The following LDLRAD4 variants were observed in gnomAD, a reference collection of about 807,000 sequenced individuals.
LDLRAD4 encodes the protein low density lipoprotein receptor class A domain containing 4.
A neutral mutation model predicts 17.0 loss-of-function variants in LDLRAD4; 5 were observed. The observed-to-expected ratio is 0.29, with a 90% confidence interval of 0.15 to 0.62. LDLRAD4 has a LOEUF of 0.62. Ranked by LOEUF, LDLRAD4 falls within the 20% of genes least tolerant of loss-of-function variation. The probability of loss-of-function intolerance (pLI) is 0.84; values close to 1 mark genes in which losing one functional copy is unlikely to be tolerated. For synonymous variants in LDLRAD4, 168 were observed against 171.8 expected, an observed-to-expected ratio of 0.98 and a Z score of 0.17; for missense variants, 340 against 424.7, an observed-to-expected ratio of 0.80 and a Z score of 1.75.
intron 3 of LDLRAD4, chr18:13,471,346 A>AGCAGAAGTGGCGGTGGAAT: frequency 6.6e-6 from 1 of 152,176 alleles, no homozygotes. Context: ...CGGGACACTG[A>AGCAGAAGTGGCGGTGGAAT]GCAGAAGTGG....
chr18:13,228,691 CAA>C (rs373489212), intron 1 of LDLRAD4, among the ~76,000 whole-genome samples: 1 of 151,924 alleles, frequency 6.6e-6, no homozygotes, highest in Admixed American at 6.6e-5. Flanking sequence ...CCTATCTCTA[CAA>C]AAAAAATGTT....
At chr18:13,409,053 G>A (rs1452204210) in intron 2 of LDLRAD4, among the ~76,000 whole-genome samples, 1 of 152,204 alleles carries the variant, frequency 6.6e-6, no homozygotes, top group African/African-American at 2.4e-5. Context: ...TCCTGCCTTT[G>A]TGTCACAGCC....
At chr18:13,386,942 AGATAGATGGATGGATG>A (rs879310320) in intron 1 of LDLRAD4, among the ~76,000 whole-genome samples, 1,644 of 112,202 alleles carry the variant, frequency 0.015, 22 homozygotes, top group East Asian at 0.099. Context: ...ATAGATAGAT[AGATAGATGGATGGATG>A]GATAGATAAG....
intron 2 of LDLRAD4, among the ~76,000 whole-genome samples, chr18:13,390,117 C>T (rs1293833701): frequency 6.6e-6 from 1 of 152,190 alleles, no homozygotes; most frequent in Non-Finnish European, 1.5e-5. Flanking sequence ...CACATTTTAT[C>T]ATTTCTTTGT....
intron 1 of LDLRAD4, among the ~76,000 whole-genome samples, chr18:13,356,896 G>T (rs2083377428): frequency 1.3e-5 from 2 of 152,194 alleles, no homozygotes; most frequent in Admixed American, 1.3e-4. Context: ...CACTTTGGAA[G>T]GCCGAGGTGG....
chr18:13,520,171 T>C (rs997595448), intron 3 of LDLRAD4: 1 of 152,220 alleles, frequency 6.6e-6, no homozygotes, highest in African/African-American at 2.4e-5. Flanking sequence ...CTGGTAATTC[T>C]TCAGAAGAAT....
intron 3 of LDLRAD4, among the ~76,000 whole-genome samples, chr18:13,590,031 G>A (rs1223755173): frequency 6.6e-6 from 1 of 151,652 alleles, no homozygotes; most frequent in East Asian, 1.9e-4. Flanking sequence ...GTGTATGGGT[G>A]TGCATGTGTG....
At chr18:13,257,181 G>A (rs2043554526) in intron 1 of LDLRAD4, among the ~76,000 whole-genome samples, 1 of 152,270 alleles carries the variant, frequency 6.6e-6, no homozygotes, top group South Asian at 2.1e-4. Flanking sequence ...GCTCAGAAAG[G>A]CCTGAACCCA....
chr18:13,221,640 G>T (rs2041458421), intron 1 of LDLRAD4, among the ~76,000 whole-genome samples: 1 of 152,096 alleles, frequency 6.6e-6, no homozygotes, highest in Admixed American at 6.5e-5. Context: ...GAAAATATTG[G>T]GTTTGAATTT....
intron 1 of LDLRAD4, among the ~76,000 whole-genome samples, chr18:13,356,288 G>A (rs1000181663): frequency 9.9e-5 from 15 of 152,252 alleles, no homozygotes; most frequent in African/African-American, 1.4e-4. Context: ...AAGGGTGGCT[G>A]TGAGCCTTTG....
intron 1 of LDLRAD4, among the ~76,000 whole-genome samples, chr18:13,263,139 C>T (rs1190605529): frequency 2.0e-4 from 28 of 139,490 alleles, no homozygotes; most frequent in Admixed American, 7.3e-5. Context: ...TGCGTGGGGG[C>T]TGAGTCCCGT....
intron 2 of LDLRAD4, among the ~76,000 whole-genome samples, chr18:13,421,776 A>G (rs1237188192): frequency 6.6e-6 from 1 of 152,230 alleles, no homozygotes; most frequent in Non-Finnish European, 1.5e-5. Flanking sequence ...AGGAGGCAGA[A>G]ATACAGGTAT....
At position 13,254,812 on chromosome 18, in the gene LDLRAD4, A is replaced by G. The variant is rs889740414; in HGVS notation, c.-466-23293A>G. 3.9e-5 allele frequency among the ~76,000 whole-genome samples: 6 copies of G among 152,180 alleles called. No homozygotes were observed. In the East Asian group the frequency reaches 7.7e-4, roughly 20 times the overall value. The stretch of plus-strand genomic sequence containing the variant: ...ACTGTTGTCTTTACAAAAGCCCCCA[A>G]AATTAGCTGGGCGTAGTGGCACTTG... On this transcript the variant is annotated intron_variant, in intron 1 of 5. Transcript: ENST00000399848.
chr18:13,227,589 TACCCGAGACTGGGTA>T (rs770021225), intron 1 of LDLRAD4, among the ~76,000 whole-genome samples: 11 of 152,158 alleles, frequency 7.2e-5, no homozygotes, highest in Non-Finnish European at 1.3e-4. Flanking sequence ...TATGAAGAAA[TACCCGAGACTGGGTA>T]ATTTATAAAG....
intron 1 of LDLRAD4, among the ~76,000 whole-genome samples, chr18:13,349,797 C>A (rs574332436): frequency 6.6e-6 from 1 of 152,062 alleles, no homozygotes; most frequent in Non-Finnish European, 1.5e-5. Context: ...CCCCACCCCC[C>A]AACTGGCCCC....
intron 3 of LDLRAD4, among the ~76,000 whole-genome samples, chr18:13,439,854 G>A (rs2090913596): frequency 6.6e-6 from 1 of 152,168 alleles, no homozygotes; most frequent in African/African-American, 2.4e-5. Flanking sequence ...TTTCCACATG[G>A]ATGGAACAAT....
intron 1 of LDLRAD4, among the ~76,000 whole-genome samples, chr18:13,317,618 T>C (rs1036058195): frequency 1.3e-5 from 2 of 152,352 alleles, no homozygotes; most frequent in Admixed American, 1.3e-4. Context: ...ATTGTTGAAG[T>C]GTATCTGTTG....
intron 1 of LDLRAD4, among the ~76,000 whole-genome samples, chr18:13,255,481 A>C (rs535938899): frequency 6.6e-6 from 1 of 152,318 alleles, no homozygotes; most frequent in Admixed American, 6.5e-5. Flanking sequence ...GGAGAGGAGC[A>C]GGGGGTGCAG....
At chr18:13,285,648 C>T (rs922136076) in intron 1 of LDLRAD4, among the ~76,000 whole-genome samples, 2 of 152,142 alleles carry the variant, frequency 1.3e-5, no homozygotes, top group Admixed American at 6.5e-5. Flanking sequence ...CTTAGCCTGA[C>T]GCTTTAACAG....
Sources: allele counts gnomAD v4.1 joint callset (sites outside exome capture counted in the v4.1 genomes callset), GRCh38; gene constraint gnomAD v4.1.1; transcripts MANE v1.5; gene names NCBI Gene and HGNC (gene_info 2026-07-23, HGNC 2026-07-21).